KIF18A: variants seen among roughly 807,000 people sequenced by gnomAD.
KIF18A encodes kinesin family member 18A, also known as kinesin-like protein KIF18A.
KIF18A carries 67 observed loss-of-function variants against 103.3 expected under a neutral mutation model. The ratio of observed to expected loss-of-function variants is 0.65; its 90% CI spans 0.53 to 0.79. KIF18A has a LOEUF of 0.79. Ranked by LOEUF, KIF18A falls within the 30% of genes least tolerant of loss-of-function variation. The pLI is 0.00. For synonymous variants in KIF18A, 367 were observed against 355.5 expected, an observed-to-expected ratio of 1.03 and a Z score of -0.36; for missense variants, 1,032 against 1,062.5, an observed-to-expected ratio of 0.97 and a Z score of 0.40.
chr11:28,031,349 G>C (rs1353553549), intron 15 of KIF18A, among the ~76,000 whole-genome samples: 1 of 152,154 alleles, frequency 6.6e-6, no homozygotes, highest in Non-Finnish European at 1.5e-5. Flanking sequence ...AGACTATGCA[G>C]CCATAAAAAA....
intron 13 of KIF18A, among the ~76,000 whole-genome samples, chr11:28,045,401 G>C (rs1270920750): frequency 2.1e-5 from 3 of 139,542 alleles, no homozygotes; most frequent in African/African-American, 7.8e-5. Context: ...AGAAAAAAAG[G>C]AAAAAAAAAA....
chr11:28,029,474 C>T (rs1850366499), intron 15 of KIF18A, among the ~76,000 whole-genome samples: 1 of 152,174 alleles, frequency 6.6e-6, no homozygotes, highest in African/African-American at 2.4e-5. Context: ...TGACAAAATT[C>T]AACAGCCCTT....
intron 16 of KIF18A, among the ~76,000 whole-genome samples, chr11:28,022,787 C>T (rs1220697574): frequency 6.6e-6 from 1 of 152,108 alleles, no homozygotes; most frequent in African/African-American, 2.4e-5. Context: ...GCTTCAATTT[C>T]CATTGAACTT....
chr11:28,044,189 G>A (rs1054893793), intron 13 of KIF18A, among the ~76,000 whole-genome samples: 2 of 151,996 alleles, frequency 1.3e-5, no homozygotes, highest in African/African-American at 4.8e-5. Flanking sequence ...ATAGGCTGTA[G>A]ACTGGGGCCA....
chr11:28,080,961 T>C (rs1851158127), intron 9 of KIF18A, among the ~76,000 whole-genome samples: 1 of 152,204 alleles, frequency 6.6e-6, no homozygotes, highest in Non-Finnish European at 1.5e-5. Context: ...AAAGTTTCAA[T>C]GGTCTGGATA....
chr11:28,029,535 T>C (rs1307838121), intron 15 of KIF18A, among the ~76,000 whole-genome samples: 1 of 152,084 alleles, frequency 6.6e-6, no homozygotes, highest in Non-Finnish European at 1.5e-5. Flanking sequence ...TATCTCAAAA[T>C]AATAAGAGCT....
chr11:28,054,702 A>G lies in KIF18A; in HGVS notation c.1948+4224T>C, dbSNP rs193228219. On this transcript the variant is annotated intron_variant, in intron 13 of 16. Coordinates refer to ENST00000263181, the MANE Select transcript of KIF18A (RefSeq NM_031217.4). ...AATGGAAAATACATAATAAATAAATAGTTGATCTCTAAAATCATTTGAATG... is the reference window on the plus strand; with the variant it reads ...AATGGAAAATACATAATAAATAAATGGTTGATCTCTAAAATCATTTGAATG... 2.1e-4 allele frequency among the ~76,000 whole-genome samples: 32 copies of G among 152,306 alleles called. 1 individual carries two copies. Among genetic ancestry groups the G allele is most frequent in the Middle Eastern group, 3.4e-3 (1 of 294 alleles).
chr11:28,093,927 T>C (rs537779719), intron 3 of KIF18A, among the ~76,000 whole-genome samples: 20 of 152,310 alleles, frequency 1.3e-4, no homozygotes, highest in Non-Finnish European at 2.4e-4. Context: ...GTAAAACGTA[T>C]CTTCAAAGTG....
chr11:28,092,750 A>G (rs952682591), intron 3 of KIF18A, among the ~76,000 whole-genome samples: 7 of 152,230 alleles, frequency 4.6e-5, no homozygotes, highest in African/African-American at 9.6e-5. Context: ...GTGATAATTC[A>G]TTGCTGGTAC....
chr11:28,101,698 CAG>C (rs1851447926), intron 1 of KIF18A, among the ~76,000 whole-genome samples: 1 of 152,062 alleles, frequency 6.6e-6, no homozygotes, highest in African/African-American at 2.4e-5. Flanking sequence ...GTGAGGGAAA[CAG>C]ATATTAATAA....
In KIF18A at chr11:28,027,820, C is replaced by T. The variant is rs113486215; in HGVS notation, c.2505-3970G>A. On this transcript the variant is annotated intron_variant, in intron 15 of 16. Transcript: ENST00000263181. ...CTCAAACTATTCTGAAAAACAGAGG[C>T]GGAAGGAATACTTCCAAAATCATTA... Among the ~76,000 whole-genome samples, 168 of 151,910 alleles carry T rather than the reference C, an allele frequency of 1.1e-3. 1 individual carries two copies. Among genetic ancestry groups the T allele is most frequent in the African/African-American group, 3.9e-3 (162 of 41,502 alleles).
In KIF18A at chr11:28,067,996, A is replaced by G. The variant is rs538813778; in HGVS notation, c.1590+1263T>C. On this transcript the variant is annotated intron_variant, in intron 11 of 16. Coordinates refer to ENST00000263181, the MANE Select transcript of KIF18A (RefSeq NM_031217.4). Reference sequence around the variant, plus strand: ...TGTTTATTGCAGTGCTATTTACAATAGCAAAGACTTGAAACCAACCCAAAT... The same window carrying G: ...TGTTTATTGCAGTGCTATTTACAATGGCAAAGACTTGAAACCAACCCAAAT... 5.8e-4 allele frequency among the ~76,000 whole-genome samples: 88 copies of G among 152,330 alleles called. 1 individual carries two copies. Among genetic ancestry groups the G allele is most frequent in the Middle Eastern group, 3.4e-3 (1 of 294 alleles).
At position 28,082,873 on chromosome 11, in the gene KIF18A, C is replaced by G. The variant is rs142068059; in HGVS notation, c.1245G>C (p.Gln415His). The G allele has an allele frequency of 4.4e-6, 7 of 1,590,498 alleles. No individual in the cohort carries two copies. Among genetic ancestry groups the G allele is most frequent in the South Asian group, 2.3e-5 (2 of 88,014 alleles). Residue 415 changes from glutamine to histidine, a missense_variant, in exon 9 of 17, where the codon CAG becomes CAC. By Grantham distance (24) the Gln-to-His change is conservative. Coordinates refer to ENST00000263181, the MANE Select transcript of KIF18A (RefSeq NM_031217.4). ...ATGTTTACCTTTCGATTTCTTTTTC[C>G]TGAGGGTTTGAAATCATTAACTTTG... Reference protein sequence around the residue: ...DQAKLMISNPQEKEIERFQEI... With the variant: ...DQAKLMISNPHEKEIERFQEI...
chr11:28,041,706 C>T (rs1386750111), intron 13 of KIF18A, among the ~76,000 whole-genome samples: 1 of 151,760 alleles, frequency 6.6e-6, no homozygotes, highest in Non-Finnish European at 1.5e-5. Flanking sequence ...GGTAACAAGG[C>T]TATTGCTATA....
intron 10 of KIF18A, among the ~76,000 whole-genome samples, chr11:28,075,266 T>C (rs556738167): frequency 5.9e-5 from 9 of 152,270 alleles, no homozygotes; most frequent in East Asian, 5.8e-4. Context: ...TAAAAAAGCA[T>C]AAACATAAGA....
intron 11 of KIF18A, among the ~76,000 whole-genome samples, chr11:28,066,465 C>T (rs1251835803): frequency 6.6e-6 from 1 of 151,948 alleles, no homozygotes; most frequent in Non-Finnish European, 1.5e-5. Flanking sequence ...GTTATATCCT[C>T]TGATCCTAGC....
intron 1 of KIF18A, 66 bp from the exon 2 acceptor site, chr11:28,098,059 G>T: frequency 1.3e-6 from 1 of 789,170 alleles, no homozygotes; most frequent in Non-Finnish European, 2.0e-6. Flanking sequence ...CAACTGGCAT[G>T]TAGTATTCAT....
intron 15 of KIF18A, among the ~76,000 whole-genome samples, chr11:28,026,141 G>C (rs1282188521): frequency 2.6e-5 from 4 of 151,720 alleles, no homozygotes; most frequent in Non-Finnish European, 5.9e-5. Context: ...TAGTGTGCTA[G>C]AGAAATATTA....
chr11:28,107,226 T>A (rs529573298), intron 1 of KIF18A, among the ~76,000 whole-genome samples: 2 of 152,290 alleles, frequency 1.3e-5, no homozygotes, highest in South Asian at 4.1e-4. Flanking sequence ...AATTAAAATC[T>A]GTAGAGTGCC....
Sources: gnomAD v4.1 joint callset for allele counts (sites outside exome capture counted in the v4.1 genomes callset) on GRCh38, gnomAD v4.1.1 for gene constraint, MANE v1.5 for transcripts, NCBI Gene and HGNC (gene_info 2026-07-23, HGNC 2026-07-21) for gene names.